Variants in MYO5A observed in about 807,000 individuals in gnomAD.
The protein encoded by MYO5A is myosin VA, also known as unconventional myosin-Va.
In MYO5A, 98 loss-of-function variants were observed where a neutral mutation model predicts 249.7. That is an observed-to-expected ratio of 0.39 (90% CI 0.33 to 0.46). The LOEUF is 0.46. MYO5A is among the 20% of genes least tolerant of loss of function. The pLI, the probability that MYO5A is intolerant of heterozygous loss-of-function variation, is 0.98. For missense variants in MYO5A, 1,696 were observed against 2,308.8 expected, an observed-to-expected ratio of 0.73 and a Z score of 5.44; for synonymous variants, 778 against 810.6, an observed-to-expected ratio of 0.96 and a Z score of 0.68.
chr15:52,401,008 C>G (rs1309968591), intron 9 of MYO5A, among the ~76,000 whole-genome samples: 1 of 151,490 alleles, frequency 6.6e-6, no homozygotes, highest in Non-Finnish European at 1.5e-5. Context: ...TCTGCCTAAA[C>G]TATATCCTTT....
At chr15:52,415,942 G>A (rs188029689) in intron 5 of MYO5A, 72 of 636,996 alleles carry the variant, frequency 1.1e-4, no homozygotes, top group African/African-American at 1.0e-3. Flanking sequence ...AACAGATTCC[G>A]CTATAGCTGG....
intron 22 of MYO5A, 27 bp downstream of exon 22, chr15:52,370,142 A>G: frequency 6.2e-7 from 1 of 1,613,604 alleles, no homozygotes; most frequent in African/African-American, 1.3e-5. Flanking sequence ...TGTACGGAGT[A>G]GATGGGGATA....
chr15:52,314,039 T>C (rs1381900230), intron 41 of MYO5A, 84 bp downstream of exon 41: 2 of 1,344,774 alleles, frequency 1.5e-6, no homozygotes, highest in South Asian at 1.2e-5. Context: ...TAATAAAAGA[T>C]AACACATTAT....
chr15:52,368,515 C>T (rs939047525), intron 22 of MYO5A, among the ~76,000 whole-genome samples: 10 of 152,270 alleles, frequency 6.6e-5, no homozygotes, highest in African/African-American at 2.2e-4. Context: ...AACTTCTGGG[C>T]TCCTTGATCA....
Position 52,323,372 on chromosome 15 carries a change from G to C in MYO5A, c.4783C>G (p.Gln1595Glu). 6.2e-7 allele frequency: 1 copy of C among 1,613,328 alleles called. No individual in the cohort carries two copies. The highest frequency in any genetic ancestry group is 8.5e-7 in the Non-Finnish European group (1 of 1,179,362). ...NTCRFLHCLK[Q>E]YSGEEGFMKH... ...TTTCTCACCTCTTCTCCACTGTACT[G>C]TTTCAAGCAGTGCAAAAATCGGCAT... The change falls in exon 37 of 42, where the codon CAG (glutamine) becomes GAG (glutamate). Residue 1595 changes from glutamine (Q) to glutamate (E), a missense_variant. Physicochemically the swap from Gln to Glu is conservative, Grantham distance 29. Transcript: ENST00000399233.
intron 1 of MYO5A, among the ~76,000 whole-genome samples, chr15:52,502,995 G>C (rs1190758542): frequency 1.3e-5 from 2 of 152,190 alleles, no homozygotes; most frequent in East Asian, 1.9e-4. Context: ...GAAGACAAGA[G>C]AGTAGACTGG....
At chr15:52,314,998 G>C (rs1053202239) in intron 40 of MYO5A, among the ~76,000 whole-genome samples, 1 of 152,116 alleles carries the variant, frequency 6.6e-6, no homozygotes, top group African/African-American at 2.4e-5. Flanking sequence ...AAGCACCAGA[G>C]AACTAGAAAG....
intron 11 of MYO5A, among the ~76,000 whole-genome samples, chr15:52,396,067 G>T (rs998842735): frequency 4.6e-5 from 7 of 152,122 alleles, no homozygotes; most frequent in African/African-American, 1.7e-4. Flanking sequence ...CTAACACACT[G>T]CCTGCTTCTC....
At chr15:52,461,422 G>A (rs2076246385) in intron 1 of MYO5A, among the ~76,000 whole-genome samples, 1 of 152,090 alleles carries the variant, frequency 6.6e-6, no homozygotes, top group Non-Finnish European at 1.5e-5. Context: ...CAAAAATACT[G>A]TAATTTGCTA....
chr15:52,486,926 C>G (rs2076833767), intron 1 of MYO5A, among the ~76,000 whole-genome samples: 2 of 152,278 alleles, frequency 1.3e-5, no homozygotes, highest in South Asian at 4.1e-4. Flanking sequence ...CTAGAAATGT[C>G]AGCATAAGGG....
At chr15:52,363,910 T>C (rs2040669423) in intron 24 of MYO5A, among the ~76,000 whole-genome samples, 1 of 152,224 alleles carries the variant, frequency 6.6e-6, no homozygotes, top group Non-Finnish European at 1.5e-5. Flanking sequence ...CCAGTCTACA[T>C]GTAAATTTTA....
chr15:52,328,420 T>C (rs759567118), intron 35 of MYO5A, among the ~76,000 whole-genome samples: 2 of 152,206 alleles, frequency 1.3e-5, no homozygotes, highest in Non-Finnish European at 2.9e-5. Context: ...ATCCTCATTT[T>C]TGACTCCTTT....
intron 34 of MYO5A, among the ~76,000 whole-genome samples, chr15:52,334,026 T>C (rs906691630): frequency 1.3e-5 from 2 of 152,238 alleles, no homozygotes; most frequent in African/African-American, 4.8e-5. Flanking sequence ...TCTTAAGAAC[T>C]ATTATAATGC....
chr15:52,359,916 T>G, intron 25 of MYO5A, 52 bp downstream of exon 25: 1 of 1,302,084 alleles, frequency 7.7e-7, no homozygotes, highest in Non-Finnish European at 1.1e-6. Flanking sequence ...TGTTCCTTGT[T>G]AACAACAGCA....
intron 1 of MYO5A, among the ~76,000 whole-genome samples, chr15:52,486,890 C>T (rs761689850): frequency 2.0e-5 from 3 of 152,138 alleles, no homozygotes; most frequent in African/African-American, 4.8e-5. Context: ...ATGTCATAGG[C>T]ACACGGGTGA....
chr15:52,425,845 T>A lies in MYO5A; in HGVS notation c.440A>T (p.Tyr147Phe). Residue 147 changes from tyrosine (Y) to phenylalanine (F), a missense_variant, in exon 4 of 42, where the codon TAC (tyrosine) becomes TTC (phenylalanine). Coordinates refer to ENST00000399233, the MANE Select transcript of MYO5A (RefSeq NM_001382347.1). Reference sequence around the variant, plus strand: ...TTCTACCAACCTGGCCATTTGCTTGTAAGCTTCTTCAGCTACTGCAAAGAT... The same window carrying A: ...TTCTACCAACCTGGCCATTTGCTTGAAAGCTTCTTCAGCTACTGCAAAGAT... ...PHIFAVAEEAYKQMARDERNQ... is the reference protein window; with the variant it reads ...PHIFAVAEEAFKQMARDERNQ... The A allele has an allele frequency of 6.2e-7, 1 of 1,614,110 alleles. No homozygotes were observed.
intron 2 of MYO5A, 63 bp from the exon 3 acceptor site, chr15:52,428,632 G>A: frequency 1.3e-6 from 2 of 1,560,522 alleles, no homozygotes; most frequent in Non-Finnish European, 1.8e-6. Context: ...AGAGGCCCAT[G>A]CATTTTGCTT....
At chr15:52,398,102 A>ACC (rs879260788) in intron 9 of MYO5A, among the ~76,000 whole-genome samples, 24,031 of 152,080 alleles carry the variant, frequency 0.16, 1,924 homozygotes, top group Middle Eastern at 0.22. Flanking sequence ...TTGAAGCTGA[A>ACC]TGAGGGAGAA....
intron 29 of MYO5A, among the ~76,000 whole-genome samples, chr15:52,348,327 T>C (rs149018026): frequency 6.6e-6 from 1 of 152,354 alleles, no homozygotes; most frequent in East Asian, 1.9e-4. Context: ...GTAGAGAAAT[T>C]TGACTTTGCA....
Sources: allele counts gnomAD v4.1 joint callset (sites outside exome capture counted in the v4.1 genomes callset), GRCh38; gene constraint gnomAD v4.1.1; transcripts MANE v1.5; gene names NCBI Gene and HGNC (gene_info 2026-07-23, HGNC 2026-07-21).